SYAP1: variants seen among roughly 807,000 people sequenced by gnomAD.
SYAP1 encodes synapse associated protein 1, also known as synapse-associated protein 1.
In SYAP1, 3 loss-of-function variants were observed where a neutral mutation model predicts 29.6. That is an observed-to-expected ratio of 0.10 (90% CI 0.05 to 0.26). The LOEUF is 0.26. Among genes scored for constraint, SYAP1 ranks in the 10% least tolerant of loss-of-function variants. The pLI, the probability that SYAP1 is intolerant of heterozygous loss-of-function variation, is 1.00. For missense variants in SYAP1, 217 were observed against 264.1 expected, an observed-to-expected ratio of 0.82 and a Z score of 1.24; for synonymous variants, 102 against 102.7, an observed-to-expected ratio of 0.99 and a Z score of 0.04.
rs1190282850 is a variant in SYAP1 at position 16,762,043 on chromosome X, A to G, written c.*1684A>G. 1.8e-5 allele frequency: 2 copies of G among 112,110 alleles called. No individual in the cohort carries two copies. Among genetic ancestry groups the G allele is most frequent in the East Asian group, 5.6e-4 (2 of 3,589 alleles). 9.2% of individuals were successfully genotyped at this position (112,110 alleles called of 1,213,427 possible). A position where few individuals can be genotyped will look rare whatever the true frequency, so the allele number is the denominator to read the frequency against. On this transcript the variant is annotated 3_prime_UTR_variant, in exon 9 of 9. Coordinates refer to ENST00000380155, the MANE Select transcript of SYAP1 (RefSeq NM_032796.4). ...CATGAAACCACTGGGCCCATCATCAAAAGGTTTCCACTTGTGGTGCCACAG... is the reference window on the plus strand; with the variant it reads ...CATGAAACCACTGGGCCCATCATCAGAAGGTTTCCACTTGTGGTGCCACAG...
chrX:16,763,053 T>C lies in SYAP1; in HGVS notation c.*2694T>C, dbSNP rs12853295. 17,960 of 110,389 alleles carry C rather than the reference T, an allele frequency of 0.16. 1,386 individuals are homozygous for C. The highest frequency in any genetic ancestry group is 0.27 in the African/African-American group (8,272 of 30,239). 9.1% of individuals were successfully genotyped at this position (110,389 alleles called of 1,213,427 possible). A position where few individuals can be genotyped will look rare whatever the true frequency, so the allele number is the denominator to read the frequency against. On this transcript the variant is annotated 3_prime_UTR_variant, in exon 9 of 9. Transcript: ENST00000380155. Reference sequence around the variant, plus strand: ...CTGTAATCCCAGCACTTTGGGAGGCTGAGGCAGGCAGATTGCTTGAGCTCA... The same window carrying C: ...CTGTAATCCCAGCACTTTGGGAGGCCGAGGCAGGCAGATTGCTTGAGCTCA...
chrX:16,754,082 T>C (rs1315860750), intron 5 of SYAP1, among the ~76,000 whole-genome samples: 2 of 111,431 alleles, frequency 1.8e-5, no homozygotes, highest in Non-Finnish European at 3.8e-5. Flanking sequence ...TCAATCTTTT[T>C]ATCAAGCATT....
intron 3 of SYAP1, among the ~76,000 whole-genome samples, chrX:16,741,118 C>G (rs1264967126): frequency 1.8e-5 from 2 of 111,022 alleles, no homozygotes; most frequent in Non-Finnish European, 3.8e-5. Flanking sequence ...TGATGTTCAT[C>G]TCTCCCTCAT....
intron 5 of SYAP1, 72 bp downstream of exon 5, chrX:16,743,912 A>T: frequency 9.3e-7 from 1 of 1,072,702 alleles, no homozygotes; most frequent in South Asian, 2.0e-5. Context: ...TAATGATGGA[A>T]GGGGCCAAAA....
At position 16,734,338 on chromosome X, in the gene SYAP1, A is replaced by C. The variant is rs543041065; in HGVS notation, c.176-889A>C. ...AGGTTGCAGTGAACTGAGATCTGAG[A>C]TCACGCCACTGCACTCCAGCCTGGG... On this transcript the variant is annotated intron_variant, in intron 1 of 8. Transcript: ENST00000380155. Among the ~76,000 whole-genome samples the C allele has an allele frequency of 4.7e-4, 50 of 106,750 alleles. 2 individuals are homozygous for C. The South Asian group carries it at 0.02, about 43-fold the overall frequency. 92.7% of individuals were successfully genotyped at this position (106,750 alleles called of 115,157 possible).
At chrX:16,740,627 G>A (rs1192623672) in intron 3 of SYAP1, among the ~76,000 whole-genome samples, 1 of 111,012 alleles carries the variant, frequency 9.0e-6, no homozygotes, top group African/African-American at 3.3e-5. Context: ...CCTTATTCAC[G>A]CCCTCTCTCC....
chrX:16,725,986 T>C (rs1003861495), intron 1 of SYAP1, among the ~76,000 whole-genome samples: 5 of 111,912 alleles, frequency 4.5e-5, no homozygotes, highest in African/African-American at 1.6e-4. Flanking sequence ...TTTCTCTGAC[T>C]GCAAAGCATG....
At position 16,719,642 on chromosome X, in the gene SYAP1, A is replaced by G; in HGVS notation, c.-83A>G. ...TCCGACTTCCGGACATCTCCCTGGG[A>G]GTCGCGCAGAGTGGAGTCAAAGGCA... is the stretch of plus-strand genomic sequence containing the variant. On this transcript the variant is annotated 5_prime_UTR_variant, in exon 1 of 9. Coordinates refer to ENST00000380155, the MANE Select transcript of SYAP1 (RefSeq NM_032796.4). The G allele has an allele frequency of 2.8e-6, 3 of 1,054,244 alleles. No individual in the cohort carries two copies. The highest frequency in any genetic ancestry group is 4.5e-5 in the South Asian group (2 of 44,776). The allele number at this position is 1,054,244 out of a possible 1,213,427, so 86.9% of individuals were successfully genotyped here.
intron 1 of SYAP1, among the ~76,000 whole-genome samples, chrX:16,724,719 G>A (rs934237670): frequency 3.6e-5 from 4 of 111,906 alleles, no homozygotes; most frequent in African/African-American, 1.3e-4. Context: ...AAGGGAGGAC[G>A]AGGACTCTCC....
chrX:16,742,920 ATTTT>A (rs761130108), intron 4 of SYAP1, among the ~76,000 whole-genome samples: 1 of 62,992 alleles, frequency 1.6e-5, no homozygotes, highest in East Asian at 5.2e-4. Context: ...GTCCGCTTCT[ATTTT>A]TTTTTTTTTT....
rs1300950900 is a variant in SYAP1, at chrX:16,761,779, A to G, written c.*1420A>G. 2.7e-5 allele frequency: 3 copies of G among 112,604 alleles called. No individual in the cohort carries two copies. The highest frequency in any genetic ancestry group is 5.6e-5 in the Non-Finnish European group (3 of 53,380). 9.3% of individuals were successfully genotyped at this position (112,604 alleles called of 1,213,427 possible). A position where few individuals can be genotyped will look rare whatever the true frequency, so the allele number is the denominator to read the frequency against. Reference sequence around the variant, plus strand: ...CTCCCCAAACCTTTCATGTTTTTCAAGAAGCCTTTATTACATAAAGGGGAA... The same window carrying G: ...CTCCCCAAACCTTTCATGTTTTTCAGGAAGCCTTTATTACATAAAGGGGAA... On this transcript the variant is annotated 3_prime_UTR_variant, in exon 9 of 9. Coordinates refer to ENST00000380155, the MANE Select transcript of SYAP1 (RefSeq NM_032796.4).
Position 16,757,027 on chromosome X carries a change from A to T in SYAP1, c.784-135A>T, listed in dbSNP as rs1198745705. 7.6e-6 allele frequency: 6 copies of T among 785,396 alleles called. No homozygotes were observed. The East Asian group carries it at 1.9e-4, about 25-fold the overall frequency. 64.7% of individuals were successfully genotyped at this position (785,396 alleles called of 1,213,427 possible). A position where few individuals can be genotyped will look rare whatever the true frequency, so the allele number is the denominator to read the frequency against. ...ACTGCAAGTTAGAAGGTTGGAGAGC[A>T]GTGCTCATTGTCTTACAGCTCGCAG... On this transcript the variant is annotated intron_variant, in intron 7 of 8. Coordinates refer to ENST00000380155, the MANE Select transcript of SYAP1 (RefSeq NM_032796.4).
At chrX:16,742,852 C>T (rs950661455) in intron 4 of SYAP1, among the ~76,000 whole-genome samples, 1 of 108,386 alleles carries the variant, frequency 9.2e-6, no homozygotes, top group Non-Finnish European at 1.9e-5. Context: ...TGGCCTCAAG[C>T]GATCCTCTTG....
intron 1 of SYAP1, among the ~76,000 whole-genome samples, chrX:16,721,346 C>T (rs1335195095): frequency 9.1e-6 from 1 of 109,811 alleles, no homozygotes; most frequent in African/African-American, 3.3e-5. Context: ...ATCTTCCTAC[C>T]TTATCCTCTC....
At chrX:16,732,707 A>G (rs780571848) in intron 1 of SYAP1, among the ~76,000 whole-genome samples, 1 of 111,401 alleles carries the variant, frequency 9.0e-6, no homozygotes, top group East Asian at 2.8e-4. Context: ...TTATCATACC[A>G]CTCTGTACAA....
intron 3 of SYAP1, among the ~76,000 whole-genome samples, chrX:16,737,371 T>C (rs376433599): frequency 9.0e-6 from 1 of 110,827 alleles, no homozygotes; most frequent in African/African-American, 3.3e-5. Flanking sequence ...GACTACAGAG[T>C]GAGACCCTGT....
At position 16,741,771 on chromosome X, in the gene SYAP1, A is replaced by G; in HGVS notation, c.417A>G (p.Gln139=). 4.1e-6 allele frequency: 5 copies of G among 1,205,121 alleles called. No homozygotes were observed. Among genetic ancestry groups the G allele is most frequent in the Non-Finnish European group, 5.6e-6 (5 of 891,376 alleles). The change falls in exon 4 of 9, where the codon CAA becomes CAG. Residue 139 remains glutamine (Q), a synonymous_variant. Transcript: ENST00000380155. The part of the protein sequence containing the change: ...DTNDEETIQQ[Q]ILALSADKRN... ...ACGATGAAGAAACAATTCAACAACA[A>G]ATTTTGGCCTTATCAGCTGTAAGTA...
chrX:16,719,637 C>T lies in SYAP1; in HGVS notation c.-88C>T, dbSNP rs964801961. On this transcript the variant is annotated 5_prime_UTR_variant, in exon 1 of 9. Coordinates refer to ENST00000380155, the MANE Select transcript of SYAP1 (RefSeq NM_032796.4). ...GTTCCTCCGACTTCCGGACATCTCC[C>T]TGGGAGTCGCGCAGAGTGGAGTCAA... 36 of 1,053,393 alleles carry T rather than the reference C, an allele frequency of 3.4e-5. No individual in the cohort carries two copies. The highest frequency in any genetic ancestry group is 5.7e-5 in the African/African-American group (3 of 52,901). 86.8% of individuals were successfully genotyped at this position (1,053,393 alleles called of 1,213,427 possible). A position where few individuals can be genotyped will look rare whatever the true frequency, so the allele number is the denominator to read the frequency against.
chrX:16,752,166 A>G (rs940185590), intron 5 of SYAP1, among the ~76,000 whole-genome samples: 2 of 106,792 alleles, frequency 1.9e-5, no homozygotes, highest in African/African-American at 6.8e-5. Flanking sequence ...TTTTGCAGAG[A>G]TGCGATTTCA....
Sources: gnomAD v4.1 joint callset for allele counts (sites outside exome capture counted in the v4.1 genomes callset) on GRCh38, gnomAD v4.1.1 for gene constraint, MANE v1.5 for transcripts, NCBI Gene and HGNC (gene_info 2026-07-23, HGNC 2026-07-21) for gene names.